The following GNG12 variants were observed in gnomAD, a reference collection of about 807,000 sequenced individuals.
GNG12 encodes guanine nucleotide-binding protein G(I)/G(S)/G(O) subunit gamma-12.
For synonymous variants in GNG12, 28 were observed against 29.7 expected (o/e 0.94, Z 0.19); for missense variants, 69 against 83.8 (o/e 0.82, Z 0.69).
At position 67,706,219 on chromosome 1, in the gene GNG12, T is replaced by A. The variant is rs3766249; in HGVS notation, c.94-643A>T. Among the ~76,000 whole-genome samples, 112 of 152,154 alleles carry A rather than the reference T, an allele frequency of 7.4e-4. 1 individual carries two copies. In the East Asian group the frequency reaches 0.015, roughly 20 times the overall value. On this transcript the variant is annotated intron_variant, in intron 3 of 3. Transcript: ENST00000370982. ...TCAAAATAAAAAGTTAGGGGCCAGG[T>A]GAGAAAAAGCATATGTGAATCAAGG...
At position 67,705,257 on chromosome 1, in the gene GNG12, T is replaced by C. The variant is rs1646239903; in HGVS notation, c.*194A>G. On this transcript the variant is annotated 3_prime_UTR_variant, in exon 4 of 4. Coordinates refer to ENST00000370982, the MANE Select transcript of GNG12 (RefSeq NM_018841.6). ...CAAGTGGAAAATAAGATTGTTATTC[T>C]GTATTAAATCAGTAAAGGGTATTTT... is the stretch of plus-strand genomic sequence containing the variant. The C allele has an allele frequency of 2.9e-6, 2 of 690,604 alleles. No homozygotes were observed. The highest frequency in any genetic ancestry group is 3.6e-5 in the East Asian group (1 of 27,898). The allele number at this position is 690,604 out of a possible 1,614,324, so 42.8% of individuals were successfully genotyped here. A position where few individuals can be genotyped will look rare whatever the true frequency, so the allele number is the denominator to read the frequency against.
Position 67,702,235 on chromosome 1 carries a change from A to G in GNG12, c.*3216T>C, listed in dbSNP as rs1186383482. On this transcript the variant is annotated 3_prime_UTR_variant, in exon 4 of 4. Transcript: ENST00000370982. Reference sequence around the variant, plus strand: ...ATAAAAGAAAGCAATAAAACCCATAATGTACTCTGGTATTGTATTTATTTC... The same window carrying G: ...ATAAAAGAAAGCAATAAAACCCATAGTGTACTCTGGTATTGTATTTATTTC... 6.6e-6 allele frequency: 1 copy of G among 152,152 alleles called. No homozygotes were observed. The highest frequency in any genetic ancestry group is 1.5e-5 in the Non-Finnish European group (1 of 68,016). 9.4% of individuals were successfully genotyped at this position (152,152 alleles called of 1,614,324 possible).
chr1:67,802,029 C>G (rs1180250320), intron 1 of GNG12, among the ~76,000 whole-genome samples: 2 of 152,060 alleles, frequency 1.3e-5, no homozygotes, highest in Non-Finnish European at 1.5e-5. Context: ...TGTGGAATGC[C>G]TGGGTGAACC....
intron 2 of GNG12, among the ~76,000 whole-genome samples, chr1:67,760,364 T>C (rs1570521840): frequency 1.3e-5 from 2 of 152,252 alleles, no homozygotes; most frequent in East Asian, 1.9e-4. Context: ...ATTTGGTAGG[T>C]TGGTAGGTCA....
At chr1:67,782,794 C>A (rs1646744862) in intron 1 of GNG12, among the ~76,000 whole-genome samples, 1 of 152,130 alleles carries the variant, frequency 6.6e-6, no homozygotes, top group Non-Finnish European at 1.5e-5. Flanking sequence ...AGGACAATGG[C>A]AGTTTTAAAA....
At chr1:67,763,090 G>A (rs964677467) in intron 2 of GNG12, among the ~76,000 whole-genome samples, 1 of 116,724 alleles carries the variant, frequency 8.6e-6, no homozygotes, top group Non-Finnish European at 1.8e-5. Context: ...TACCCTCCCA[G>A]GAGAGAGAGA....
chr1:67,813,878 G>A (rs777253909), intron 1 of GNG12, among the ~76,000 whole-genome samples: 3 of 151,982 alleles, frequency 2.0e-5, no homozygotes, highest in Non-Finnish European at 4.4e-5. Context: ...TCTATTCAGT[G>A]TCAGGCATAG....
intron 1 of GNG12, among the ~76,000 whole-genome samples, chr1:67,821,794 A>G (rs1265085478): frequency 1.3e-5 from 2 of 149,364 alleles, no homozygotes; most frequent in Admixed American, 6.9e-5. Context: ...TTAGTGGCAC[A>G]TAGAATAGTG....
chr1:67,798,918 C>T (rs1427777867), intron 1 of GNG12, among the ~76,000 whole-genome samples: 1 of 152,098 alleles, frequency 6.6e-6, no homozygotes, highest in African/African-American at 2.4e-5. Flanking sequence ...CATGCCACTG[C>T]ACTCCAGCCT....
chr1:67,762,191 G>C (rs1430548783), intron 2 of GNG12, among the ~76,000 whole-genome samples: 3 of 152,156 alleles, frequency 2.0e-5, no homozygotes, highest in African/African-American at 7.2e-5. Context: ...CCCAACCCAA[G>C]GCTGTCCACA....
intron 2 of GNG12, among the ~76,000 whole-genome samples, chr1:67,710,114 TTATATATATAGTTATATATATAGTTA>T (rs1646283275): frequency 3.3e-4 from 4 of 12,258 alleles, no homozygotes; most frequent in Non-Finnish European, 5.1e-4. Flanking sequence ...ATATATATAG[TTATATATATAGTTATATATATAGTTA>T]TATATATATA....
intron 1 of GNG12, among the ~76,000 whole-genome samples, chr1:67,805,381 A>C (rs1646889352): frequency 6.6e-6 from 1 of 152,238 alleles, no homozygotes; most frequent in African/African-American, 2.4e-5. Flanking sequence ...AATGCTGAAT[A>C]ATCAGACCAG....
intron 1 of GNG12, among the ~76,000 whole-genome samples, chr1:67,827,375 C>G (rs1570580353): frequency 6.6e-6 from 1 of 152,098 alleles, no homozygotes. Flanking sequence ...AGATACTAAC[C>G]CTCTGGCAGA....
At chr1:67,771,891 A>G (rs1282491245) in intron 2 of GNG12, among the ~76,000 whole-genome samples, 8 of 152,360 alleles carry the variant, frequency 5.3e-5, no homozygotes, top group Admixed American at 3.9e-4. Context: ...GAAAGTTTAC[A>G]TATGTGCCTA....
At chr1:67,821,846 C>A (rs1164920910) in intron 1 of GNG12, among the ~76,000 whole-genome samples, 1 of 151,396 alleles carries the variant, frequency 6.6e-6, no homozygotes, top group Non-Finnish European at 1.5e-5. Context: ...CACATCTAAT[C>A]AATGACATCT....
chr1:67,771,850 T>C (rs1646676780), intron 2 of GNG12, among the ~76,000 whole-genome samples: 1 of 152,232 alleles, frequency 6.6e-6, no homozygotes, highest in South Asian at 2.1e-4. Flanking sequence ...GCACAGAGCC[T>C]GGCATTAGGT....
At chr1:67,706,233 T>C (rs918060243) in intron 3 of GNG12, among the ~76,000 whole-genome samples, 2 of 152,092 alleles carry the variant, frequency 1.3e-5, no homozygotes, top group Non-Finnish European at 2.9e-5. Flanking sequence ...AAAAAGCATA[T>C]GTGAATCAAG....
chr1:67,774,783 A>T (rs1478144290), intron 2 of GNG12, among the ~76,000 whole-genome samples: 5 of 152,220 alleles, frequency 3.3e-5, no homozygotes, highest in African/African-American at 1.2e-4. Context: ...AACAGTTGAT[A>T]ATAGCATAGT....
intron 2 of GNG12, among the ~76,000 whole-genome samples, chr1:67,709,368 C>T (rs755190618): frequency 2.0e-5 from 3 of 152,080 alleles, no homozygotes; most frequent in Admixed American, 6.5e-5. Flanking sequence ...TTTGATTGAG[C>T]GGGTATGGGT....
Sources: gnomAD v4.1 joint callset for allele counts (sites outside exome capture counted in the v4.1 genomes callset) on GRCh38, gnomAD v4.1.1 for gene constraint, MANE v1.5 for transcripts, NCBI Gene and HGNC (gene_info 2026-07-23, HGNC 2026-07-21) for gene names.